GAPVD1: variants seen among roughly 807,000 people sequenced by gnomAD.
GAPVD1 encodes GTPase-activating protein and VPS9 domain-containing protein 1.
A neutral mutation model predicts 155.5 loss-of-function variants in GAPVD1; 35 were observed. That is an observed-to-expected ratio of 0.23 (90% CI 0.17 to 0.30). The LOEUF is 0.30. Among genes scored for constraint, GAPVD1 ranks in the 10% least tolerant of loss-of-function variants. The pLI, the probability that GAPVD1 is intolerant of heterozygous loss-of-function variation, is 1.00. For synonymous variants in GAPVD1, 636 were observed against 619.7 expected (o/e 1.03, Z -0.39); for missense variants, 1,429 against 1,775.7 (o/e 0.80, Z 3.51).
chr9:125,362,288 C>G (rs578128198), intron 27 of GAPVD1, among the ~76,000 whole-genome samples: 1 of 152,278 alleles, frequency 6.6e-6, no homozygotes, highest in East Asian at 1.9e-4. Flanking sequence ...TGTTATCTAA[C>G]ATTCTGAAAT....
chr9:125,293,906 GT>G (rs1554757299), intron 2 of GAPVD1, among the ~76,000 whole-genome samples: 1 of 77,838 alleles, frequency 1.3e-5, no homozygotes, highest in Non-Finnish European at 2.4e-5. Flanking sequence ...ATATATATAA[GT>G]TTTTGTTTCT....
In GAPVD1 at chr9:125,262,870, G is replaced by A. The variant is rs146041167; in HGVS notation, c.-199+911G>A. On this transcript the variant is annotated intron_variant, in intron 1 of 27. Transcript: ENST00000297933. ...AACAAGCCAGAGTAGCATTAGCAGC[G>A]CCTATGACTTTGTGATCAATAAAAA... Among the ~76,000 whole-genome samples the A allele has an allele frequency of 1.6e-3, 239 of 152,154 alleles. 1 individual carries two copies. The highest frequency in any genetic ancestry group is 2.7e-3 in the Non-Finnish European group (182 of 68,010).
chr9:125,304,493 T>C (rs1426083476), intron 5 of GAPVD1, among the ~76,000 whole-genome samples: 2 of 152,186 alleles, frequency 1.3e-5, no homozygotes, highest in Admixed American at 6.6e-5. Context: ...GTCCCAGATA[T>C]TAAGAAGAGG....
At position 125,352,661 on chromosome 9, in the gene GAPVD1, T is replaced by G. The variant is rs182182274; in HGVS notation, c.3569+1789T>G. ...CCTCTGACATGCCCTGGAGACATTT[T>G]CCCCATTGTCTTGGGAATTAATATT... is the stretch of plus-strand genomic sequence containing the variant. On this transcript the variant is annotated intron_variant, in intron 23 of 27. Transcript: ENST00000297933. Among the ~76,000 whole-genome samples, 133 of 152,354 alleles carry G rather than the reference T, an allele frequency of 8.7e-4. 1 individual carries two copies. Among genetic ancestry groups the G allele is most frequent in the Non-Finnish European group, 9.1e-4 (62 of 68,032 alleles).
chr9:125,309,896 AT>A, intron 8 of GAPVD1: 2 of 448,828 alleles, frequency 4.5e-6, no homozygotes, highest in Non-Finnish European at 9.2e-6. Flanking sequence ...CAGAGGGTTG[AT>A]TTTCTTTCTA....
chr9:125,361,450 G>T (rs1351737266), intron 27 of GAPVD1, among the ~76,000 whole-genome samples: 1 of 150,450 alleles, frequency 6.6e-6, no homozygotes, highest in Non-Finnish European at 1.5e-5. Context: ...CTTGAACCTG[G>T]GCAGCAGAGC....
intron 12 of GAPVD1, among the ~76,000 whole-genome samples, chr9:125,327,621 A>G (rs1187488628): frequency 6.6e-6 from 1 of 152,080 alleles, no homozygotes; most frequent in Non-Finnish European, 1.5e-5. Context: ...CTCCTGCCTC[A>G]GCCTCCCGAG....
chr9:125,279,670 C>T lies in GAPVD1; in HGVS notation c.-150+10686C>T, dbSNP rs112360392. On this transcript the variant is annotated intron_variant, in intron 2 of 27. Transcript: ENST00000297933. Reference sequence around the variant, plus strand: ...AATAGTTCTGCCAAAGTGTAGGCATCGGTATATAAAAATCTTTCCCATACA... The same window carrying T: ...AATAGTTCTGCCAAAGTGTAGGCATTGGTATATAAAAATCTTTCCCATACA... Among the ~76,000 whole-genome samples, 745 of 150,940 alleles carry T rather than the reference C, an allele frequency of 4.9e-3. 3 individuals carry two copies. Among genetic ancestry groups the T allele is most frequent in the Non-Finnish European group, 8.0e-3 (542 of 67,874 alleles).
chr9:125,305,659 G>A (rs959664558), intron 6 of GAPVD1, among the ~76,000 whole-genome samples: 1 of 151,608 alleles, frequency 6.6e-6, no homozygotes, highest in East Asian at 1.9e-4. Flanking sequence ...GTGAGCCACC[G>A]CGCCTGGCCA....
chr9:125,278,959 C>A (rs955027558), intron 2 of GAPVD1, among the ~76,000 whole-genome samples: 1 of 152,052 alleles, frequency 6.6e-6, no homozygotes, highest in Non-Finnish European at 1.5e-5. Context: ...TGCCTGTAAT[C>A]CTAGCACTTT....
At chr9:125,274,716 C>T (rs952148235) in intron 2 of GAPVD1, among the ~76,000 whole-genome samples, 17 of 152,154 alleles carry the variant, frequency 1.1e-4, no homozygotes, top group Non-Finnish European at 2.5e-4. Flanking sequence ...CCCACCTTGG[C>T]CTCCCAAAGT....
At chr9:125,301,942 C>G (rs184643337) in intron 4 of GAPVD1, 41 bp from the exon 5 acceptor site, 4 of 1,373,862 alleles carry the variant, frequency 2.9e-6, no homozygotes, top group Non-Finnish European at 4.0e-6. Context: ...ATTATTAATA[C>G]TATTATTTTG....
chr9:125,284,247 C>T (rs116503279), intron 2 of GAPVD1, among the ~76,000 whole-genome samples: 2,880 of 139,092 alleles, frequency 0.021, 73 homozygotes, highest in African/African-American at 0.073. Context: ...TGCAGTGGTG[C>T]GATCTCAGCT....
At position 125,364,673 on chromosome 9, in the gene GAPVD1, T is replaced by A. The variant is rs1433656481; in HGVS notation, c.*1927T>A. On this transcript the variant is annotated 3_prime_UTR_variant, in exon 28 of 28. Transcript: ENST00000297933. Reference sequence around the variant, plus strand: ...AGAGAGATCAGAATTAAACTAGTACTATGAAATGTCCTTTTGAATGTTAGG... The same window carrying A: ...AGAGAGATCAGAATTAAACTAGTACAATGAAATGTCCTTTTGAATGTTAGG... 1 of 152,420 alleles carries A rather than the reference T, an allele frequency of 6.6e-6. No individual in the cohort carries two copies. Among genetic ancestry groups the A allele is most frequent in the African/African-American group, 2.4e-5 (1 of 41,464 alleles). 9.4% of individuals were successfully genotyped at this position (152,420 alleles called of 1,614,324 possible).
In GAPVD1 at chr9:125,351,291, C is replaced by T. The variant is rs372813387; in HGVS notation, c.3569+419C>T. Among the ~76,000 whole-genome samples, 49 of 152,288 alleles carry T rather than the reference C, an allele frequency of 3.2e-4. 1 individual carries two copies. In the East Asian group the frequency reaches 8.7e-3, roughly 27 times the overall value. ...TCAATTACCTCCCACTGGGTCCCTC[C>T]CACAACACATGGGAATTCAAGATGA... On this transcript the variant is annotated intron_variant, in intron 23 of 27. Coordinates refer to ENST00000297933, the MANE Select transcript of GAPVD1 (RefSeq NM_001282680.3).
Position 125,307,449 on chromosome 9 carries a change from G to A in GAPVD1, c.1153G>A (p.Gly385Ser). Residue 385 changes from glycine to serine, a missense_variant, in exon 7 of 28, where the codon GGC (glycine) becomes AGC (serine). Physicochemically the swap from Gly to Ser is moderately conservative, Grantham distance 56. Transcript: ENST00000297933. ...VAAFLDVVIG[G>S]RAVETPPLSS... ...CGCTTTCCTTGATGTTGTGATTGGGGGCCGTGCAGTGGAGACCCCTCCATT... is the reference window on the plus strand; with the variant it reads ...CGCTTTCCTTGATGTTGTGATTGGGAGCCGTGCAGTGGAGACCCCTCCATT... 6.2e-7 allele frequency: 1 copy of A among 1,610,820 alleles called. No individual in the cohort carries two copies. The highest frequency in any genetic ancestry group is 1.1e-5 in the South Asian group (1 of 90,654).
chr9:125,343,563 G>A (rs1848124774), intron 19 of GAPVD1, among the ~76,000 whole-genome samples: 1 of 152,000 alleles, frequency 6.6e-6, no homozygotes, highest in Admixed American at 6.6e-5. Flanking sequence ...TGCTTTATTT[G>A]AAATGGTGAT....
At chr9:125,304,664 T>C (rs1841490421) in intron 5 of GAPVD1, among the ~76,000 whole-genome samples, 1 of 152,202 alleles carries the variant, frequency 6.6e-6, no homozygotes, top group Non-Finnish European at 1.5e-5. Context: ...CTTGATTGCT[T>C]TGTGAACGCT....
At chr9:125,341,910 G>A (rs1847895335) in intron 18 of GAPVD1, 1 of 194,490 alleles carries the variant, frequency 5.1e-6, no homozygotes, top group African/African-American at 2.3e-5. Context: ...GCTTGATGAG[G>A]AGGAGAGAAT....
Sources: allele counts gnomAD v4.1 joint callset (sites outside exome capture counted in the v4.1 genomes callset), GRCh38; gene constraint gnomAD v4.1.1; transcripts MANE v1.5; gene names NCBI Gene and HGNC (gene_info 2026-07-23, HGNC 2026-07-21).